Variants in DENND1A observed in about 807,000 individuals in gnomAD.
DENND1A encodes the protein DENN domain containing 1A.
DENND1A carries 51 observed loss-of-function variants against 113.7 expected under a neutral mutation model. The ratio of observed to expected loss-of-function variants is 0.45; its 90% CI spans 0.36 to 0.57. The LOEUF is 0.57. Ranked by LOEUF, DENND1A falls within the 20% of genes least tolerant of loss-of-function variation. The pLI is 0.00. For synonymous variants in DENND1A, 565 were observed against 570.8 expected, an observed-to-expected ratio of 0.99 and a Z score of 0.14; for missense variants, 1,258 against 1,395.9, an observed-to-expected ratio of 0.90 and a Z score of 1.57.
At chr9:123,641,131 A>G (rs1353761815) in intron 9 of DENND1A, among the ~76,000 whole-genome samples, 1 of 152,246 alleles carries the variant, frequency 6.6e-6, no homozygotes, top group East Asian at 1.9e-4. Context: ...CTGCAGAAAC[A>G]ACACAGGAAA....
intron 13 of DENND1A, chr9:123,493,193 C>T (rs1347678803): frequency 6.6e-6 from 1 of 152,326 alleles, no homozygotes; most frequent in Non-Finnish European, 1.5e-5. Context: ...GGGGCCATGA[C>T]TAAGACACGG....
intron 13 of DENND1A, among the ~76,000 whole-genome samples, chr9:123,554,277 C>T (rs569027489): frequency 4.6e-4 from 70 of 152,224 alleles, no homozygotes; most frequent in African/African-American, 1.4e-3. Flanking sequence ...GGCTGGAATG[C>T]AGTGGCACCA....
At position 123,588,964 on chromosome 9, in the gene DENND1A, C is replaced by T. The variant is rs117540225; in HGVS notation, c.766-5694G>A. 7.2e-3 allele frequency among the ~76,000 whole-genome samples: 1,093 copies of T among 152,090 alleles called. 4 individuals are homozygous for T. Among genetic ancestry groups the T allele is most frequent in the South Asian group, 0.014 (69 of 4,814 alleles). ...TTTATTTTTACTAGAGATGGGGTTT[C>T]ACCATGTTGGCCAAAGTGGTCTTGA... On this transcript the variant is annotated intron_variant, in intron 11 of 23. Transcript: ENST00000394215.
At chr9:123,464,815 G>A (rs530674110) in intron 13 of DENND1A, among the ~76,000 whole-genome samples, 1 of 151,752 alleles carries the variant, frequency 6.6e-6, no homozygotes, top group Admixed American at 6.6e-5. Context: ...CTGGGAGATG[G>A]GTTCACTGAC....
intron 2 of DENND1A, among the ~76,000 whole-genome samples, chr9:123,828,656 A>C (rs1839746717): frequency 6.6e-6 from 1 of 151,942 alleles, no homozygotes; most frequent in African/African-American, 2.4e-5. Context: ...AAAAAAGAAA[A>C]AAAAATTGCC....
rs184322944 is a variant in DENND1A, at chr9:123,868,217, C to A, written c.88+10734G>T. On this transcript the variant is annotated intron_variant, in intron 2 of 23. Coordinates refer to ENST00000394215, the MANE Select transcript of DENND1A (RefSeq NM_001352964.2). ...GCTGAGCAATATTGCACAGAGAAAT[C>A]TTCCCGGCATACTGAAGCACTCAGG... is the stretch of plus-strand genomic sequence containing the variant. Among the ~76,000 whole-genome samples the A allele has an allele frequency of 6.8e-4, 103 of 152,290 alleles. 1 individual carries two copies. The highest frequency in any genetic ancestry group is 6.0e-3 in the Admixed American group (92 of 15,298).
chr9:123,725,116 C>G (rs1361667499), intron 5 of DENND1A, among the ~76,000 whole-genome samples: 1 of 152,110 alleles, frequency 6.6e-6, no homozygotes, highest in Non-Finnish European at 1.5e-5. Context: ...ACAATGACAC[C>G]AATTATGCCC....
intron 2 of DENND1A, among the ~76,000 whole-genome samples, chr9:123,833,753 A>G (rs1472304334): frequency 6.6e-6 from 1 of 152,194 alleles, no homozygotes; most frequent in Non-Finnish European, 1.5e-5. Flanking sequence ...GATAACTCAC[A>G]TCAATGGGTC....
At chr9:123,678,317 C>T (rs184675134) in intron 5 of DENND1A, among the ~76,000 whole-genome samples, 6 of 152,274 alleles carry the variant, frequency 3.9e-5, no homozygotes, top group South Asian at 2.1e-4. Context: ...CAAGGGTGCA[C>T]GCATCCTATG....
intron 5 of DENND1A, among the ~76,000 whole-genome samples, chr9:123,705,456 A>G (rs542815918): frequency 1.3e-5 from 2 of 152,328 alleles, no homozygotes; most frequent in African/African-American, 2.4e-5. Context: ...AGGATATATA[A>G]TAAACTACTA....
chr9:123,508,954 A>G (rs2053208134), intron 13 of DENND1A, among the ~76,000 whole-genome samples: 1 of 152,234 alleles, frequency 6.6e-6, no homozygotes, highest in Non-Finnish European at 1.5e-5. Context: ...TACAAAATAA[A>G]ATTATGACTT....
intron 2 of DENND1A, among the ~76,000 whole-genome samples, chr9:123,844,050 A>T (rs1409062828): frequency 6.6e-6 from 1 of 152,016 alleles, no homozygotes; most frequent in Non-Finnish European, 1.5e-5. Flanking sequence ...TAAACAAACT[A>T]GAAACAAAAC....
chr9:123,620,145 C>T (rs769878706), intron 10 of DENND1A, among the ~76,000 whole-genome samples: 5 of 129,160 alleles, frequency 3.9e-5, no homozygotes, highest in South Asian at 2.5e-4. Flanking sequence ...ACCCAGGAGG[C>T]GAAGGTTGCA....
At chr9:123,846,045 G>A (rs1842572127) in intron 2 of DENND1A, among the ~76,000 whole-genome samples, 1 of 152,144 alleles carries the variant, frequency 6.6e-6, no homozygotes, top group East Asian at 1.9e-4. Flanking sequence ...CCCAGTCACT[G>A]GATAGGTATT....
intron 2 of DENND1A, among the ~76,000 whole-genome samples, chr9:123,852,322 G>T (rs892884135): frequency 6.6e-5 from 10 of 152,154 alleles, no homozygotes; most frequent in African/African-American, 1.2e-4. Flanking sequence ...CACTTTTGGG[G>T]ACCTTGGGGA....
intron 13 of DENND1A, among the ~76,000 whole-genome samples, chr9:123,471,527 G>A (rs2049424232): frequency 6.6e-6 from 1 of 152,206 alleles, no homozygotes; most frequent in Non-Finnish European, 1.5e-5. Flanking sequence ...CATGTGACAG[G>A]GCAGTGGAGG....
intron 1 of DENND1A, among the ~76,000 whole-genome samples, chr9:123,909,525 T>C (rs1012349336): frequency 6.6e-6 from 1 of 151,922 alleles, no homozygotes; most frequent in African/African-American, 2.4e-5. Context: ...AACGTAAAAA[T>C]GGACAGAAAC....
At chr9:123,510,449 T>A (rs2053362869) in intron 13 of DENND1A, among the ~76,000 whole-genome samples, 1 of 152,250 alleles carries the variant, frequency 6.6e-6, no homozygotes, top group Non-Finnish European at 1.5e-5. Context: ...TGTGGCACTT[T>A]CCATTTTAAG....
At chr9:123,700,865 T>TA (rs1406146920) in intron 5 of DENND1A, among the ~76,000 whole-genome samples, 2 of 152,266 alleles carry the variant, frequency 1.3e-5, no homozygotes, top group African/African-American at 2.4e-5. Context: ...TAGATCTTTT[T>TA]AAAAAAATGT....
Sources: allele counts gnomAD v4.1 joint callset (sites outside exome capture counted in the v4.1 genomes callset), GRCh38; gene constraint gnomAD v4.1.1; transcripts MANE v1.5; gene names NCBI Gene and HGNC (gene_info 2026-07-23, HGNC 2026-07-21).